Variants in ASF1B observed in about 807,000 individuals in gnomAD.
ASF1B encodes the protein histone chaperone ASF1B.
ASF1B carries 10 observed loss-of-function variants against 16.6 expected under a neutral mutation model. The ratio of observed to expected loss-of-function variants is 0.60; its 90% CI spans 0.37 to 1.02. The LOEUF is 1.02. Among genes scored for constraint, ASF1B ranks in the 50% least tolerant of loss-of-function variants. The pLI, the probability that ASF1B is intolerant of heterozygous loss-of-function variation, is 0.01. For synonymous variants in ASF1B, 101 were observed against 106.2 expected, an observed-to-expected ratio of 0.95 and a Z score of 0.30; for missense variants, 240 against 266.0, an observed-to-expected ratio of 0.90 and a Z score of 0.68.
rs373277929 is a variant in ASF1B at position 14,126,191 on chromosome 19, T to C, written c.156A>G (p.Glu52=). Residue 52 remains glutamate, a synonymous_variant, in exon 2 of 4, where the codon GAA becomes GAG. Transcript: ENST00000263382. ...GCACCGAGTCTAGGATCTGATCAAA[T>C]TCCTCACTCTCAGCCGAGCCAACAT... is the stretch of plus-strand genomic sequence containing the variant. ...IIYVGSAESE[E]FDQILDSVLV... 4 of 1,613,630 alleles carry C rather than the reference T, an allele frequency of 2.5e-6. No individual in the cohort carries two copies. The highest frequency in any genetic ancestry group is 3.3e-5 in the Admixed American group (2 of 59,970).
chr19:14,135,000 G>A (rs1336712836), intron 1 of ASF1B, among the ~76,000 whole-genome samples: 1 of 151,886 alleles, frequency 6.6e-6, no homozygotes, highest in Non-Finnish European at 1.5e-5. Flanking sequence ...AAGGCGGGTG[G>A]ATCACTTGAG....
chr19:14,125,082 G>A (rs968463512), intron 2 of ASF1B, among the ~76,000 whole-genome samples: 8 of 151,892 alleles, frequency 5.3e-5, no homozygotes, highest in South Asian at 4.2e-4. Flanking sequence ...TTCTCCCGCC[G>A]CAGCCTCCCG....
intron 1 of ASF1B, among the ~76,000 whole-genome samples, chr19:14,133,141 T>A (rs1005377385): frequency 4.0e-5 from 6 of 151,356 alleles, no homozygotes; most frequent in Non-Finnish European, 1.5e-5. Context: ...AATAAATAAA[T>A]AAATAAATAA....
At chr19:14,135,647 G>C (rs915425120) in intron 1 of ASF1B, among the ~76,000 whole-genome samples, 1 of 152,036 alleles carries the variant, frequency 6.6e-6, no homozygotes, top group Admixed American at 6.6e-5. Flanking sequence ...GGGTTGAGGG[G>C]TTTTCACAGG....
chr19:14,129,708 A>AG (rs1967371043), intron 1 of ASF1B, among the ~76,000 whole-genome samples: 9 of 137,636 alleles, frequency 6.5e-5, no homozygotes, highest in African/African-American at 2.6e-4. Context: ...AAAAAAAAAA[A>AG]AAGAAGAAAG....
intron 2 of ASF1B, among the ~76,000 whole-genome samples, chr19:14,123,575 C>T (rs540836205): frequency 4.9e-4 from 74 of 151,778 alleles, no homozygotes; most frequent in East Asian, 2.9e-3. Context: ...AGAGATGGGG[C>T]TTCACCATGT....
rs34539223 is a variant in ASF1B at position 14,132,024 on chromosome 19, G to GT, written c.109+4323dup. Among the ~76,000 whole-genome samples the GT allele has an allele frequency of 5.6e-3, 694 of 124,558 alleles. 4 individuals carry two copies. Among genetic ancestry groups the GT allele is most frequent in the South Asian group, 0.012 (48 of 3,852 alleles). The allele number at this position is 124,558 out of a possible 152,430, so 81.7% of individuals were successfully genotyped here. A position where few individuals can be genotyped will look rare whatever the true frequency, so the allele number is the denominator to read the frequency against. ...CAACTGGGGCTTAGGGGTTAGGGTG[G>GT]TTTTTTTTTTTTTTTTTTTTGAGAT... On this transcript the variant is annotated intron_variant, in intron 1 of 3. Coordinates refer to ENST00000263382, the MANE Select transcript of ASF1B (RefSeq NM_018154.3).
intron 1 of ASF1B, among the ~76,000 whole-genome samples, chr19:14,133,218 C>G (rs1967433324): frequency 6.6e-6 from 1 of 152,202 alleles, no homozygotes; most frequent in Non-Finnish European, 1.5e-5. Context: ...ATTCTGTGGT[C>G]ATTCCTATCT....
At chr19:14,120,831 A>T (rs570218215) in intron 3 of ASF1B, among the ~76,000 whole-genome samples, 166 bp from the exon 4 acceptor site, 15 of 151,924 alleles carry the variant, frequency 9.9e-5, no homozygotes, top group African/African-American at 2.9e-4. Flanking sequence ...TTATTTATTT[A>T]TTTTTTGAGA....
At chr19:14,121,379 G>A (rs1033130149) in intron 3 of ASF1B, 153 bp downstream of exon 3, 22 of 796,922 alleles carry the variant, frequency 2.8e-5, no homozygotes, top group Non-Finnish European at 4.0e-5. Context: ...GAGAGACAAA[G>A]GTCTTTTTCT....
At chr19:14,127,992 GC>G (rs561026040) in intron 1 of ASF1B, among the ~76,000 whole-genome samples, 20 of 152,286 alleles carry the variant, frequency 1.3e-4, no homozygotes, top group African/African-American at 4.8e-4. Context: ...CCCTGAATAT[GC>G]TCCATTGAGA....
intron 1 of ASF1B, among the ~76,000 whole-genome samples, chr19:14,130,579 ATCTT>A (rs1462428284): frequency 6.6e-6 from 1 of 151,940 alleles, no homozygotes; most frequent in Non-Finnish European, 1.5e-5. Flanking sequence ...TCTAAATATA[ATCTT>A]TCTTTAGAAT....
chr19:14,130,541 A>G (rs1308644402), intron 1 of ASF1B, among the ~76,000 whole-genome samples: 1 of 151,878 alleles, frequency 6.6e-6, no homozygotes, highest in Non-Finnish European at 1.5e-5. Context: ...CAGTGTTATA[A>G]GTAGAGACAT....
chr19:14,129,216 T>C (rs1290813345), intron 1 of ASF1B, among the ~76,000 whole-genome samples: 5 of 151,850 alleles, frequency 3.3e-5, no homozygotes, highest in African/African-American at 1.2e-4. Flanking sequence ...ATCGAGCCAC[T>C]GCATTCCAGC....
At chr19:14,134,962 G>A (rs112426448) in intron 1 of ASF1B, among the ~76,000 whole-genome samples, 1 of 151,658 alleles carries the variant, frequency 6.6e-6, no homozygotes, top group African/African-American at 2.4e-5. Context: ...GGTGGCTCAC[G>A]CCTGTAATCC....
At chr19:14,130,275 A>G (rs929701782) in intron 1 of ASF1B, among the ~76,000 whole-genome samples, 1 of 151,596 alleles carries the variant, frequency 6.6e-6, no homozygotes, top group Non-Finnish European at 1.5e-5. Flanking sequence ...GTTAGCCAAG[A>G]TGGTCTCGAT....
chr19:14,133,625 G>A (rs893139715), intron 1 of ASF1B, among the ~76,000 whole-genome samples: 2 of 151,462 alleles, frequency 1.3e-5, no homozygotes, highest in Non-Finnish European at 1.5e-5. Flanking sequence ...CCAAGATCGC[G>A]CCATTGCACT....
intron 3 of ASF1B, chr19:14,121,282 T>TC (rs1967232237): frequency 2.3e-6 from 1 of 442,362 alleles, no homozygotes; most frequent in East Asian, 3.5e-5. Flanking sequence ...CTCATTTTTT[T>TC]TTTTTTTTTT....
Position 14,120,467 on chromosome 19 carries a change from A to G in ASF1B, c.601T>C (p.Cys201Arg). 1 of 1,611,970 alleles carries G rather than the reference A, an allele frequency of 6.2e-7. No individual in the cohort carries two copies. The highest frequency in any genetic ancestry group is 1.1e-5 in the South Asian group (1 of 90,926). The change falls in exon 4 of 4, where the codon TGC becomes CGC. Residue 201 changes from cysteine (C) to arginine (R), a missense_variant. Transcript: ENST00000263382. ...ACTCTGGGTTCCTGCAGTTAGATGC[A>G]GTCCATGGAGTTCTCAGGGAGGAGG... ...PGLLPENSMDCI is the reference protein window; with the variant it reads ...PGLLPENSMDRI
Sources: gnomAD v4.1 joint callset for allele counts (sites outside exome capture counted in the v4.1 genomes callset) on GRCh38, gnomAD v4.1.1 for gene constraint, MANE v1.5 for transcripts, NCBI Gene and HGNC (gene_info 2026-07-23, HGNC 2026-07-21) for gene names.